Variants in YEATS4 observed in about 807,000 individuals in gnomAD.
The protein encoded by YEATS4 is YEATS domain-containing protein 4.
In YEATS4, 17 loss-of-function variants were observed where a neutral mutation model predicts 30.1. The ratio of observed to expected loss-of-function variants is 0.56; its 90% CI spans 0.39 to 0.85. The LOEUF is 0.85. Among genes scored for constraint, YEATS4 ranks in the 40% least tolerant of loss-of-function variants. The pLI is 0.00. For synonymous variants in YEATS4, 85 were observed against 87.5 expected, an observed-to-expected ratio of 0.97 and a Z score of 0.16; for missense variants, 142 against 268.3, an observed-to-expected ratio of 0.53 and a Z score of 3.29.
At chr12:69,362,981 A>AT (rs1198849494) in intron 2 of YEATS4, 74 bp downstream of exon 2, 7 of 313,216 alleles carry the variant, frequency 2.2e-5, no homozygotes, top group East Asian at 1.5e-4. Context: ...GACAACCTGT[A>AT]GTTTTTTTTT....
At chr12:69,404,446 TTGGGAGTGGGTTAGTTATTG>T in the YEATS4 span, among the ~76,000 whole-genome samples, 3 of 152,262 alleles carry the variant, frequency 2.0e-5, no homozygotes, top group South Asian at 6.2e-4. Context: ...GTTAGTTATT[TTGGGAGTGGGTTAGTTATTG>T]TGGGAGTGGA....
At chr12:69,417,407 G>T in the YEATS4 span, among the ~76,000 whole-genome samples, 1 of 151,768 alleles carries the variant, frequency 6.6e-6, no homozygotes, top group African/African-American at 2.4e-5. Context: ...TAATCCTCCC[G>T]CCTCAGCCTC....
chr12:69,372,533 A>C (rs1223036459), intron 6 of YEATS4, among the ~76,000 whole-genome samples: 2 of 83,168 alleles, frequency 2.4e-5, no homozygotes, highest in Non-Finnish European at 4.9e-5. Context: ...TCTGTATCTC[A>C]TGAGTTTTTT....
intron 6 of YEATS4, among the ~76,000 whole-genome samples, chr12:69,377,117 CTTTT>C (rs1875902256): frequency 6.6e-6 from 1 of 151,978 alleles, no homozygotes; most frequent in Non-Finnish European, 1.5e-5. Flanking sequence ...TTTTGTTTAT[CTTTT>C]CAGAAAACCA....
the YEATS4 span, among the ~76,000 whole-genome samples, chr12:69,402,725 C>CTTTTTTTTTTTTTTTTTTTTTT: frequency 8.8e-6 from 1 of 113,116 alleles, no homozygotes; most frequent in Non-Finnish European, 1.8e-5. Context: ...TCTTTCTTTT[C>CTTTTTTTTTTTTTTTTTTTTTT]TTTTTTTTTT....
chr12:69,418,908 A>AC, the YEATS4 span, among the ~76,000 whole-genome samples: 1 of 151,438 alleles, frequency 6.6e-6, no homozygotes, highest in Non-Finnish European at 1.5e-5. Context: ...ACATAGTGAG[A>AC]CCCCATCTCC....
chr12:69,394,502 T>C (rs555315446), downstream of YEATS4, among the ~76,000 whole-genome samples: 4 of 152,338 alleles, frequency 2.6e-5, no homozygotes, highest in Admixed American at 1.3e-4. Context: ...ATAGCAAATA[T>C]TTCTCATCCA....
chr12:69,419,658 T>G, the YEATS4 span, among the ~76,000 whole-genome samples: 3 of 152,122 alleles, frequency 2.0e-5, no homozygotes, highest in Admixed American at 2.0e-4. Flanking sequence ...AAATAGTTGT[T>G]GAAGGAAAGA....
intron 6 of YEATS4, among the ~76,000 whole-genome samples, chr12:69,389,724 G>T (rs1868294257): frequency 6.6e-6 from 1 of 151,974 alleles, no homozygotes; most frequent in Non-Finnish European, 1.5e-5. Context: ...TGTTGGCCAG[G>T]TTGGTCTCGA....
chr12:69,379,284 A>G (rs1875980373), intron 6 of YEATS4, among the ~76,000 whole-genome samples: 1 of 152,060 alleles, frequency 6.6e-6, no homozygotes, highest in Admixed American at 6.6e-5. Context: ...ACCTTCTTGT[A>G]CTTGAATATT....
At chr12:69,421,363 G>A in the YEATS4 span, among the ~76,000 whole-genome samples, 1 of 152,166 alleles carries the variant, frequency 6.6e-6, no homozygotes, top group Non-Finnish European at 1.5e-5. Context: ...GGCAATTACT[G>A]AGTAAAAACA....
intron 6 of YEATS4, among the ~76,000 whole-genome samples, chr12:69,389,268 G>A (rs952224113): frequency 2.6e-5 from 4 of 151,744 alleles, no homozygotes; most frequent in African/African-American, 4.8e-5. Context: ...TGGGCAACAC[G>A]GTGAAACCCC....
chr12:69,414,876 G>A, the YEATS4 span, among the ~76,000 whole-genome samples: 4 of 152,300 alleles, frequency 2.6e-5, no homozygotes, highest in African/African-American at 7.2e-5. Flanking sequence ...TTGTACTTAC[G>A]TGGCTTTCTT....
chr12:69,423,485 G>A, the YEATS4 span, among the ~76,000 whole-genome samples: 7,842 of 152,262 alleles, frequency 0.052, 671 homozygotes, highest in African/African-American at 0.18. Flanking sequence ...AGAAAACAAT[G>A]TGGAAAGCCA....
Position 69,359,947 on chromosome 12 carries a change from G to A in YEATS4, c.-26G>A. On this transcript the variant is annotated 5_prime_UTR_variant, in exon 1 of 7. Transcript: ENST00000247843. ...GCCAGCCCCGGTCTCTTTCCCTGGC[G>A]GCGGCGGCTTCTTCCGTGGGACAAT... is the stretch of plus-strand genomic sequence containing the variant. The A allele has an allele frequency of 1.2e-6, 2 of 1,611,892 alleles. No individual in the cohort carries two copies. The highest frequency in any genetic ancestry group is 1.3e-5 in the African/African-American group (1 of 74,866).
chr12:69,384,869 A>C (rs1876210362), intron 6 of YEATS4, among the ~76,000 whole-genome samples: 1 of 152,208 alleles, frequency 6.6e-6, no homozygotes, highest in Non-Finnish European at 1.5e-5. Flanking sequence ...TCAGTAGATA[A>C]ATGGGCAGAA....
chr12:69,395,447 A>G (rs1482336954), downstream of YEATS4, among the ~76,000 whole-genome samples: 1 of 151,560 alleles, frequency 6.6e-6, no homozygotes, highest in African/African-American at 2.4e-5. Flanking sequence ...TGGGGGAGGG[A>G]AAGCAGTTTG....
At chr12:69,425,348 T>C in the YEATS4 span, among the ~76,000 whole-genome samples, 1 of 152,220 alleles carries the variant, frequency 6.6e-6, no homozygotes, top group African/African-American at 2.4e-5. Flanking sequence ...AAAGTGTGTT[T>C]TAAATGGAAT....
the YEATS4 span, among the ~76,000 whole-genome samples, chr12:69,421,973 G>C: frequency 6.6e-6 from 1 of 152,198 alleles, no homozygotes; most frequent in African/African-American, 2.4e-5. Context: ...TTAAGGGCTT[G>C]CTTTGAGGCA....
Sources: gnomAD v4.1 joint callset for allele counts (sites outside exome capture counted in the v4.1 genomes callset) on GRCh38, gnomAD v4.1.1 for gene constraint, MANE v1.5 for transcripts, NCBI Gene and HGNC (gene_info 2026-07-23, HGNC 2026-07-21) for gene names.